EPCIP: variants seen among roughly 807,000 people sequenced by gnomAD.
EPCIP encodes the protein exosomal polycystin-1-interacting protein.
chr21:32,802,327 T>C, the EPCIP span, among the ~76,000 whole-genome samples: 1 of 152,226 alleles, frequency 6.6e-6, no homozygotes, highest in Non-Finnish European at 1.5e-5. Context: ...AATGAAAGTT[T>C]GAATATTTTC....
the EPCIP span, among the ~76,000 whole-genome samples, chr21:32,811,786 G>A: frequency 1.6e-4 from 25 of 152,380 alleles, no homozygotes; most frequent in South Asian, 5.2e-3. Flanking sequence ...TGACCTTTAA[G>A]AGGGCGGTGC....
At chr21:32,813,386 C>T in the EPCIP span, among the ~76,000 whole-genome samples, 2 of 152,212 alleles carry the variant, frequency 1.3e-5, no homozygotes, top group African/African-American at 2.4e-5. Context: ...AATTCATATG[C>T]CTGGAAGCCT....
the EPCIP span, among the ~76,000 whole-genome samples, chr21:32,810,092 C>T: frequency 6.6e-6 from 1 of 152,026 alleles, no homozygotes; most frequent in East Asian, 1.9e-4. Context: ...ATTTCCTGGT[C>T]TCATTTTGTT....
the EPCIP span, among the ~76,000 whole-genome samples, chr21:32,803,903 T>C: frequency 2.0e-5 from 3 of 152,214 alleles, no homozygotes; most frequent in Non-Finnish European, 4.4e-5. Context: ...TTCCCTTTCA[T>C]TGTGGTTTAC....
At chr21:32,801,727 C>G in the EPCIP span, among the ~76,000 whole-genome samples, 1 of 152,128 alleles carries the variant, frequency 6.6e-6, no homozygotes, top group East Asian at 1.9e-4. Context: ...CCTGTAATCC[C>G]AGCTACTCAG....
the EPCIP span, among the ~76,000 whole-genome samples, chr21:32,806,003 A>G: frequency 5.3e-5 from 8 of 152,098 alleles, no homozygotes; most frequent in Non-Finnish European, 8.8e-5. Flanking sequence ...GAGAGCGAAG[A>G]CGATATGGGA....
At chr21:32,796,034 CTCCTTCCTTCCT>C in the EPCIP span, among the ~76,000 whole-genome samples, 7 of 148,574 alleles carry the variant, frequency 4.7e-5, no homozygotes, top group African/African-American at 9.9e-5. Flanking sequence ...CCTTCCTTCC[CTCCTTCCTTCCT>C]TCCTTCCTTC....
At chr21:32,804,103 A>G in the EPCIP span, among the ~76,000 whole-genome samples, 1 of 152,090 alleles carries the variant, frequency 6.6e-6, no homozygotes, top group East Asian at 1.9e-4. Flanking sequence ...TCAAGTATGC[A>G]ATTTGGGTTT....
At chr21:32,805,794 A>C in the EPCIP span, among the ~76,000 whole-genome samples, 2 of 152,154 alleles carry the variant, frequency 1.3e-5, no homozygotes, top group Non-Finnish European at 2.9e-5. Flanking sequence ...GTGTTTGCTA[A>C]TTACATTATG....
chr21:32,792,357 C>T, the EPCIP span, among the ~76,000 whole-genome samples: 10 of 152,156 alleles, frequency 6.6e-5, no homozygotes, highest in Admixed American at 3.9e-4. Flanking sequence ...CTTAACCTTC[C>T]AAATGGATTG....
At chr21:32,792,168 CA>C in the EPCIP span, among the ~76,000 whole-genome samples, 10 of 152,100 alleles carry the variant, frequency 6.6e-5, 1 homozygote. Context: ...CCTCCCAAGC[CA>C]TGGATTCTTT....
At chr21:32,795,887 C>T in the EPCIP span, among the ~76,000 whole-genome samples, 1 of 152,202 alleles carries the variant, frequency 6.6e-6, no homozygotes. Context: ...GAGGGTGAGA[C>T]ATTGATTCAC....
At chr21:32,790,781 T>G in the EPCIP span, 1 of 152,270 alleles carries the variant, frequency 6.6e-6, no homozygotes. Context: ...GTTAAACTTT[T>G]GTTAGCACAC....
chr21:32,803,468 G>A, the EPCIP span, among the ~76,000 whole-genome samples: 133 of 152,310 alleles, frequency 8.7e-4, 2 homozygotes, highest in African/African-American at 3.0e-3. Context: ...TCAAGGAGGG[G>A]TGTTGGCTAT....
the EPCIP span, chr21:32,810,442 T>TTTG: frequency 3.5e-6 from 1 of 282,410 alleles, no homozygotes; most frequent in Non-Finnish European, 7.1e-6. Flanking sequence ...TTTTTTTTTT[T>TTTG]AGTGCAGACG....
chr21:32,808,817 T>G, the EPCIP span, among the ~76,000 whole-genome samples: 1 of 152,226 alleles, frequency 6.6e-6, no homozygotes, highest in Non-Finnish European at 1.5e-5. Context: ...CTCTATTATC[T>G]TCACGATTTT....
the EPCIP span, among the ~76,000 whole-genome samples, chr21:32,810,973 T>A: frequency 6.6e-6 from 1 of 152,242 alleles, no homozygotes; most frequent in African/African-American, 2.4e-5. Flanking sequence ...ATGTATGTTG[T>A]ATACTGAAAA....
the EPCIP span, chr21:32,790,865 G>C: frequency 6.6e-6 from 1 of 152,184 alleles, no homozygotes; most frequent in Admixed American, 6.5e-5. Context: ...TGACCCACAT[G>C]ATATTATTTA....
chr21:32,800,247 CA>C, the EPCIP span, among the ~76,000 whole-genome samples: 2 of 152,106 alleles, frequency 1.3e-5, no homozygotes, highest in Non-Finnish European at 2.9e-5. Flanking sequence ...CTTTTGAAGC[CA>C]AGTATAAACA....
Sources: gnomAD v4.1 joint callset for allele counts (sites outside exome capture counted in the v4.1 genomes callset) on GRCh38, gnomAD v4.1.1 for gene constraint, MANE v1.5 for transcripts, NCBI Gene and HGNC (gene_info 2026-07-23, HGNC 2026-07-21) for gene names.